ZZEF1: variants seen among roughly 807,000 people sequenced by gnomAD.
The protein encoded by ZZEF1 is zinc finger ZZ-type and EF-hand domain-containing protein 1.
In ZZEF1, 157 loss-of-function variants were observed where a neutral mutation model predicts 342.8. The observed-to-expected ratio is 0.46, with a 90% CI of 0.40 to 0.52. The LOEUF (loss-of-function observed/expected upper bound fraction) is 0.52, where lower values mean the gene tolerates loss of function less well. Among genes scored for constraint, ZZEF1 ranks in the 20% least tolerant of loss-of-function variants. The pLI is 0.00. For synonymous variants in ZZEF1, 1,505 were observed against 1,429.1 expected (o/e 1.05, Z -1.20); for missense variants, 3,480 against 3,725.6 (o/e 0.93, Z 1.72).
In ZZEF1 at chr17:4,016,414, G is replaced by A. The variant is rs2056102346; in HGVS notation, c.8054C>T (p.Ala2685Val). The A allele has an allele frequency of 6.2e-6, 10 of 1,613,922 alleles. No homozygotes were observed. Among genetic ancestry groups the A allele is most frequent in the African/African-American group, 1.3e-5 (1 of 74,918 alleles). Residue 2685 changes from alanine to valine, a missense_variant, in exon 49 of 55, where the codon GCC becomes GTC. Ala to Val is a moderately conservative substitution (Grantham distance 64). Around this residue, in one of 5 missense-constraint regions of ZZEF1, gnomAD observed 1,269 missense variants for 1,342.4 expected, o/e 0.95. Transcript: ENST00000381638. This position sits in a 1 kb window ranked among gnomAD's most constrained non-coding sequence, Gnocchi z 4.4. ...CTCCATGAACTGGCATGCAGCCAGG[G>A]CCATGGTCCCCAGCATGTCCTCTCG... ...GCREDMLGTM[A>V]LAACQFMEEP... is the part of the protein sequence containing the mutation.
chr17:4,043,735 C>T (rs998114486), intron 38 of ZZEF1, among the ~76,000 whole-genome samples: 3 of 152,204 alleles, frequency 2.0e-5, no homozygotes, highest in Admixed American at 6.5e-5. Context: ...CTTCTCCGAA[C>T]GCCCATCCCT....
In ZZEF1 at chr17:4,008,989, G is replaced by A. The variant is rs755916970; in HGVS notation, c.8734-35C>T. Reference sequence around the variant, plus strand: ...GAGAGCAGGGGCTGTGAGTGACAGCGCCAGATGCGCAGTGCAGCTCTCCCA... The same window carrying A: ...GAGAGCAGGGGCTGTGAGTGACAGCACCAGATGCGCAGTGCAGCTCTCCCA... On this transcript the variant is annotated intron_variant, in intron 53 of 54. Coordinates refer to ENST00000381638, the MANE Select transcript of ZZEF1 (RefSeq NM_015113.4). The surrounding 1 kb of genome is among the most constrained non-coding windows in gnomAD (Gnocchi z 4.2). 8.6e-5 allele frequency: 132 copies of A among 1,535,988 alleles called. No individual in the cohort carries two copies. The highest frequency in any genetic ancestry group is 7.0e-6 in the Non-Finnish European group (8 of 1,145,702).
intron 8 of ZZEF1, among the ~76,000 whole-genome samples, chr17:4,103,415 C>A (rs892237543): frequency 6.6e-6 from 1 of 151,726 alleles, no homozygotes; most frequent in African/African-American, 2.4e-5. Flanking sequence ...GGTGTGGTGA[C>A]CCATGCCTAT....
Position 4,017,429 on chromosome 17 carries a change from T to C in ZZEF1, c.7943A>G (p.His2648Arg), listed in dbSNP as rs2056135873. Residue 2648 changes from histidine (H) to arginine (R), a missense_variant, in exon 48 of 55, where the codon CAT (histidine) becomes CGT (arginine). Physicochemically the swap from His to Arg is conservative, Grantham distance 29. Coordinates refer to ENST00000381638, the MANE Select transcript of ZZEF1 (RefSeq NM_015113.4). The surrounding 1 kb of genome is among the most constrained non-coding windows in gnomAD (Gnocchi z 5.1). ...GAACATATCCAAAATGTAGGTCATA[T>C]GGGCAGGGCCACTGAGCTCCAGGAT... ...EDILELSGPA[H>R]MTYILDMFMQ... The C allele has an allele frequency of 1.2e-6, 2 of 1,612,528 alleles. No homozygotes were observed. The highest frequency in any genetic ancestry group is 2.7e-5 in the African/African-American group (2 of 75,052).
At chr17:4,025,154 A>G (rs2056375275) in intron 42 of ZZEF1, 36 bp from the exon 43 acceptor site, 3 of 1,596,916 alleles carry the variant, frequency 1.9e-6, no homozygotes, top group Non-Finnish European at 2.6e-6. Context: ...AGAAAGGCAC[A>G]AAAGTACAGT....
intron 54 of ZZEF1, among the ~76,000 whole-genome samples, chr17:4,007,374 G>C (rs1160619435): frequency 6.6e-6 from 1 of 152,256 alleles, no homozygotes; most frequent in African/African-American, 2.4e-5. Context: ...CCCTGGAGGC[G>C]AGGCCAGGCC....
intron 1 of ZZEF1, among the ~76,000 whole-genome samples, chr17:4,126,335 T>C (rs1431643115): frequency 1.3e-5 from 2 of 151,734 alleles, no homozygotes; most frequent in East Asian, 1.9e-4. Context: ...GGAGTACTCA[T>C]AGTTCAAAAA....
At chr17:4,135,652 T>A (rs1289094647) in intron 1 of ZZEF1, among the ~76,000 whole-genome samples, 1 of 152,084 alleles carries the variant, frequency 6.6e-6, no homozygotes, top group Non-Finnish European at 1.5e-5. Context: ...AAAGTTACCA[T>A]CCCTGGGGCC....
intron 42 of ZZEF1, among the ~76,000 whole-genome samples, chr17:4,026,504 A>G (rs2056407114): frequency 6.6e-6 from 1 of 151,836 alleles, no homozygotes; most frequent in Non-Finnish European, 1.5e-5. Flanking sequence ...AAGACAATAG[A>G]CAAACATCTT....
At chr17:4,080,500 C>A (rs1018634829) in intron 18 of ZZEF1, among the ~76,000 whole-genome samples, 3 of 152,108 alleles carry the variant, frequency 2.0e-5, no homozygotes, top group African/African-American at 7.2e-5. Context: ...CCACCACGCC[C>A]AGCTAATTTT....
chr17:4,049,675 T>G (rs758424235), intron 37 of ZZEF1, 33 bp downstream of exon 37: 1 of 1,612,946 alleles, frequency 6.2e-7, no homozygotes. Flanking sequence ...GAGTTCAACC[T>G]GTGATTCTGT....
chr17:4,101,700 C>T (rs2058129385), intron 9 of ZZEF1, among the ~76,000 whole-genome samples: 1 of 152,128 alleles, frequency 6.6e-6, no homozygotes, highest in Admixed American at 6.5e-5. Context: ...GATCTCAGTT[C>T]ACTGCAACCT....
chr17:4,111,588 G>A (rs906629199), intron 5 of ZZEF1, among the ~76,000 whole-genome samples: 1 of 151,112 alleles, frequency 6.6e-6, no homozygotes, highest in African/African-American at 2.4e-5. Flanking sequence ...GAACCCCGGA[G>A]GTGGAGGTTG....
In ZZEF1 at chr17:4,008,924, C is replaced by G; in HGVS notation, c.8764G>C (p.Ala2922Pro). ...AGAAGGTGGTCGTCCGTGGTTAGGG[C>G]CAGCAGGTAATCCTGCAGCACGCCA... ...ELGVLQDYLL[A>P]LTTDDHLLRC... Residue 2922 changes from alanine (A) to proline (P), a missense_variant, in exon 54 of 55, where the codon GCC (alanine) becomes CCC (proline). By Grantham distance (27) the Ala-to-Pro change is conservative. Around this residue, in one of 5 missense-constraint regions of ZZEF1, gnomAD observed 1,269 missense variants for 1,342.4 expected, o/e 0.95. Coordinates refer to ENST00000381638, the MANE Select transcript of ZZEF1 (RefSeq NM_015113.4). The surrounding 1 kb of genome is among the most constrained non-coding windows in gnomAD (Gnocchi z 4.2). 1 of 1,544,536 alleles carries G rather than the reference C, an allele frequency of 6.5e-7. No homozygotes were observed. The highest frequency in any genetic ancestry group is 8.7e-7 in the Non-Finnish European group (1 of 1,147,948).
At position 4,014,713 on chromosome 17, in the gene ZZEF1, G is replaced by A. The variant is rs1159801942; in HGVS notation, c.8146-198C>T. Among the ~76,000 whole-genome samples, 1 of 152,188 alleles carries A rather than the reference G, an allele frequency of 6.6e-6. No homozygotes were observed. The highest frequency in any genetic ancestry group is 1.5e-5 in the Non-Finnish European group (1 of 68,034). On this transcript the variant is annotated intron_variant, in intron 49 of 54. Coordinates refer to ENST00000381638, the MANE Select transcript of ZZEF1 (RefSeq NM_015113.4). This position sits in a 1 kb window ranked among gnomAD's most constrained non-coding sequence, Gnocchi z 4.4. ...AAATATGGTGCGAGGGAGGCACAGC[G>A]GGGCAGGCAACACGGGGCCCCAGAG... is the stretch of plus-strand genomic sequence containing the variant.
intron 6 of ZZEF1, among the ~76,000 whole-genome samples, chr17:4,108,042 T>G (rs1437563616): frequency 6.6e-6 from 1 of 152,168 alleles, no homozygotes; most frequent in Non-Finnish European, 1.5e-5. Flanking sequence ...TATAATCTAG[T>G]GCATAAAAGA....
rs1192229158 is a variant in ZZEF1 at position 4,053,978 on chromosome 17, G to A, written c.5434+79C>T. On this transcript the variant is annotated intron_variant, in intron 34 of 54. Transcript: ENST00000381638. The stretch of plus-strand genomic sequence containing the variant: ...AGTACTTTGATTTAGTACACTGAGA[G>A]TTTTTAAAAATGACAAGATCATAGA... 6 of 1,490,540 alleles carry A rather than the reference G, an allele frequency of 4.0e-6. No individual in the cohort carries two copies. In the African/African-American group the frequency reaches 7.0e-5, roughly 17 times the overall value. The allele number at this position is 1,490,540 out of a possible 1,614,324, so 92.3% of individuals were successfully genotyped here.
At chr17:4,045,832 T>G (rs989625727) in intron 37 of ZZEF1, among the ~76,000 whole-genome samples, 2 of 43,224 alleles carry the variant, frequency 4.6e-5, no homozygotes, top group African/African-American at 2.5e-4. Flanking sequence ...TTGTTCTTGT[T>G]TTTTTTTTTT....
chr17:4,052,736 A>G (rs183099799), intron 34 of ZZEF1, among the ~76,000 whole-genome samples: 2 of 152,242 alleles, frequency 1.3e-5, no homozygotes, highest in African/African-American at 4.8e-5. Flanking sequence ...GTGTGGTGGC[A>G]GGCACCTGTA....
Sources: gnomAD v4.1 joint callset for allele counts (sites outside exome capture counted in the v4.1 genomes callset) on GRCh38, gnomAD v4.1.1 for gene constraint, gnomAD v4.1.1 regional missense constraint, Gnocchi (gnomAD v3.1) non-coding constraint, MANE v1.5 for transcripts, NCBI Gene and HGNC (gene_info 2026-07-23, HGNC 2026-07-21) for gene names.